Variants in MARK2 observed in about 807,000 individuals in gnomAD.
MARK2 encodes the protein microtubule affinity regulating kinase 2, also known as serine/threonine-protein kinase MARK2.
MARK2 carries 16 observed loss-of-function variants against 89.8 expected under a neutral mutation model. That is an observed-to-expected ratio of 0.18 (90% CI 0.12 to 0.27). MARK2 has a LOEUF of 0.27. Ranked by LOEUF, MARK2 falls within the 10% of genes least tolerant of loss-of-function variation. MARK2 has a pLI of 1.00. For synonymous variants in MARK2, 382 were observed against 399.5 expected, an observed-to-expected ratio of 0.96 and a Z score of 0.52; for missense variants, 621 against 1,049.9, an observed-to-expected ratio of 0.59 and a Z score of 5.65.
intron 1 of MARK2, among the ~76,000 whole-genome samples, chr11:63,872,902 C>T (rs1401536304): frequency 2.9e-5 from 4 of 136,914 alleles, no homozygotes; most frequent in East Asian, 2.6e-4. Context: ...CACCCCCACC[C>T]CCACCCCCAC....
chr11:63,898,202 A>G, intron 3 of MARK2, 30 bp from the exon 4 acceptor site: 3 of 1,606,876 alleles, frequency 1.9e-6, no homozygotes, highest in Non-Finnish European at 2.6e-6. Context: ...CAAGTTGGGC[A>G]GGCATGACCC....
chr11:63,889,515 C>T (rs1304434642), intron 1 of MARK2, among the ~76,000 whole-genome samples: 1 of 152,356 alleles, frequency 6.6e-6, no homozygotes, highest in East Asian at 1.9e-4. Flanking sequence ...CTACCTGAGT[C>T]AGCGCCAGGC....
At chr11:63,872,802 C>G (rs1213748776) in intron 1 of MARK2, among the ~76,000 whole-genome samples, 1 of 152,116 alleles carries the variant, frequency 6.6e-6, no homozygotes, top group African/African-American at 2.4e-5. Context: ...CCCGCCGCTT[C>G]CCTCCCTGGT....
At chr11:63,872,842 C>T (rs1205409464) in intron 1 of MARK2, among the ~76,000 whole-genome samples, 1 of 151,888 alleles carries the variant, frequency 6.6e-6, no homozygotes, top group Non-Finnish European at 1.5e-5. Context: ...AATAAAGAAT[C>T]ATAATCTCCC....
chr11:63,845,764 C>T (rs1322888194), intron 1 of MARK2, among the ~76,000 whole-genome samples: 1 of 152,088 alleles, frequency 6.6e-6, no homozygotes, highest in East Asian at 1.9e-4. Flanking sequence ...CTCTGGTCAC[C>T]CAGGCTGGAG....
At chr11:63,881,476 G>A (rs1939086572) in intron 1 of MARK2, among the ~76,000 whole-genome samples, 1 of 152,156 alleles carries the variant, frequency 6.6e-6, no homozygotes, top group Admixed American at 6.6e-5. Context: ...CGAGAGTGGG[G>A]TCGAGAGTGG....
At chr11:63,895,993 C>T (rs1441163328) in intron 3 of MARK2, among the ~76,000 whole-genome samples, 2 of 152,102 alleles carry the variant, frequency 1.3e-5, no homozygotes, top group Non-Finnish European at 2.9e-5. Context: ...CTAAATCTCT[C>T]TTCTGGGGTC....
chr11:63,853,727 T>G (rs1321636898), intron 1 of MARK2, among the ~76,000 whole-genome samples: 2 of 152,220 alleles, frequency 1.3e-5, no homozygotes, highest in African/African-American at 4.8e-5. Flanking sequence ...TAAGCTCTAC[T>G]AGTGGTCATT....
chr11:63,863,506 C>G (rs908583969), intron 1 of MARK2, among the ~76,000 whole-genome samples: 1 of 135,860 alleles, frequency 7.4e-6, no homozygotes. Context: ...TCTCTGCCAC[C>G]CAGGCTGGAG....
In MARK2 at chr11:63,904,276, T is replaced by C; in HGVS notation, c.1676+129T>C. ...TCATCTTAGCCACAAGAAATGGGTCTGTCCCCTGCGGCCAGGAAGTGGAGG... is the reference window on the plus strand; with the variant it reads ...TCATCTTAGCCACAAGAAATGGGTCCGTCCCCTGCGGCCAGGAAGTGGAGG... On this transcript the variant is annotated intron_variant, in intron 15 of 18. Coordinates refer to ENST00000402010, the MANE Select transcript of MARK2 (RefSeq NM_001039469.3). This position sits in a 1 kb window ranked among gnomAD's most constrained non-coding sequence, Gnocchi z 6.3. 1.2e-6 allele frequency: 1 copy of C among 800,212 alleles called. No individual in the cohort carries two copies. Among genetic ancestry groups the C allele is most frequent in the Non-Finnish European group, 1.9e-6 (1 of 526,980 alleles). The allele number at this position is 800,212 out of a possible 1,614,324, so 49.6% of individuals were successfully genotyped here. A position where few individuals can be genotyped will look rare whatever the true frequency, so the allele number is the denominator to read the frequency against.
chr11:63,902,993 T>C lies in MARK2; in HGVS notation c.1417-68T>C. On this transcript the variant is annotated intron_variant, in intron 13 of 18. Transcript: ENST00000402010. This position sits in a 1 kb window ranked among gnomAD's most constrained non-coding sequence, Gnocchi z 4.2. Reference sequence around the variant, plus strand: ...GGACAGGAAGCCTGTTCCATGAACCTGGGGGGAGAACCTGGCTGTAGACCA... The same window carrying C: ...GGACAGGAAGCCTGTTCCATGAACCCGGGGGGAGAACCTGGCTGTAGACCA... The C allele has an allele frequency of 7.2e-7, 1 of 1,381,370 alleles. No individual in the cohort carries two copies. The highest frequency in any genetic ancestry group is 1.0e-6 in the Non-Finnish European group (1 of 970,516). 85.6% of individuals were successfully genotyped at this position (1,381,370 alleles called of 1,614,324 possible).
intron 1 of MARK2, among the ~76,000 whole-genome samples, chr11:63,887,212 G>A (rs1163629194): frequency 2.0e-5 from 3 of 152,346 alleles, no homozygotes; most frequent in Middle Eastern, 3.4e-3. Flanking sequence ...AGCACGATTA[G>A]GCATCAAGAA....
intron 1 of MARK2, among the ~76,000 whole-genome samples, chr11:63,875,790 C>T (rs563806007): frequency 3.2e-4 from 48 of 152,346 alleles, no homozygotes; most frequent in African/African-American, 1.1e-3. Context: ...GCCAGAGAGG[C>T]TGCTGGATTC....
chr11:63,907,903 G>A (rs1016445078), intron 17 of MARK2, among the ~76,000 whole-genome samples: 1 of 152,268 alleles, frequency 6.6e-6, no homozygotes, highest in African/African-American at 2.4e-5. Flanking sequence ...GTGAGCCCTG[G>A]CTGTGGGGGA....
chr11:63,908,778 C>G (rs1941555993), intron 18 of MARK2, 99 bp from the exon 19 acceptor site: 1 of 1,269,098 alleles, frequency 7.9e-7, no homozygotes, highest in Non-Finnish European at 1.0e-6. Flanking sequence ...TGCTCCCTCC[C>G]GCTCTCCTCT....
chr11:63,908,185 C>A, intron 17 of MARK2, 75 bp from the exon 18 acceptor site: 1 of 1,376,004 alleles, frequency 7.3e-7, no homozygotes, highest in Non-Finnish European at 1.0e-6. Flanking sequence ...CCCAGACCCA[C>A]TCTCATCTGG....
chr11:63,891,419 G>A (rs1483012408), intron 1 of MARK2, among the ~76,000 whole-genome samples: 2 of 152,228 alleles, frequency 1.3e-5, no homozygotes, highest in African/African-American at 4.8e-5. Flanking sequence ...AGGCCCACTT[G>A]TGCAGCAGGG....
chr11:63,896,310 G>A (rs1046772129), intron 3 of MARK2, among the ~76,000 whole-genome samples: 1 of 152,228 alleles, frequency 6.6e-6, no homozygotes, highest in Non-Finnish European at 1.5e-5. Flanking sequence ...CTAGAAACAC[G>A]TGCAGCTACT....
At chr11:63,875,453 T>G (rs940825773) in intron 1 of MARK2, among the ~76,000 whole-genome samples, 3 of 152,110 alleles carry the variant, frequency 2.0e-5, no homozygotes, top group African/African-American at 7.2e-5. Context: ...AATCTCATTA[T>G]GTGGCCTAGG....
Sources: allele counts gnomAD v4.1 joint callset (sites outside exome capture counted in the v4.1 genomes callset), GRCh38; gene constraint gnomAD v4.1.1; non-coding constraint Gnocchi (gnomAD v3.1); transcripts MANE v1.5; gene names NCBI Gene and HGNC (gene_info 2026-07-23, HGNC 2026-07-21).